The following FRMD4A variants were observed in gnomAD, a reference collection of about 807,000 sequenced individuals.
FRMD4A encodes FERM domain-containing protein 4A.
A neutral mutation model predicts 129.1 loss-of-function variants in FRMD4A; 29 were observed. The observed-to-expected ratio is 0.22, with a 90% CI of 0.17 to 0.31. FRMD4A has a LOEUF of 0.31. Ranked by LOEUF, FRMD4A falls within the 10% of genes least tolerant of loss-of-function variation. The pLI, the probability that FRMD4A is intolerant of heterozygous loss-of-function variation, is 1.00. For synonymous variants in FRMD4A, 634 were observed against 571.6 expected, an observed-to-expected ratio of 1.11 and a Z score of -1.56; for missense variants, 1,272 against 1,375.8, an observed-to-expected ratio of 0.92 and a Z score of 1.19.
At chr10:14,243,753 T>A (rs1041041836) in intron 2 of FRMD4A, among the ~76,000 whole-genome samples, 3 of 151,502 alleles carry the variant, frequency 2.0e-5, no homozygotes, top group Non-Finnish European at 4.4e-5. Flanking sequence ...CAACTATGAA[T>A]GTACATTCAC....
At chr10:14,075,641 T>C (rs1835547052) in intron 2 of FRMD4A, among the ~76,000 whole-genome samples, 1 of 152,224 alleles carries the variant, frequency 6.6e-6, no homozygotes, top group Non-Finnish European at 1.5e-5. Context: ...TTCTTAAATA[T>C]AGGCAAATAT....
At chr10:13,698,553 G>A (rs2086462094) in intron 14 of FRMD4A, among the ~76,000 whole-genome samples, 1 of 152,120 alleles carries the variant, frequency 6.6e-6, no homozygotes, top group South Asian at 2.1e-4. Context: ...TTAATTTGCG[G>A]GCCTTTTAGA....
intron 13 of FRMD4A, among the ~76,000 whole-genome samples, chr10:13,704,994 A>G (rs1434011889): frequency 6.6e-6 from 1 of 152,018 alleles, no homozygotes; most frequent in Non-Finnish European, 1.5e-5. Flanking sequence ...GAATTGCTTG[A>G]GCCTGGAAGG....
chr10:14,175,543 A>G (rs77738339), intron 2 of FRMD4A, among the ~76,000 whole-genome samples: 1 of 35,320 alleles, frequency 2.8e-5, no homozygotes, highest in African/African-American at 8.5e-5. Flanking sequence ...TTTTTTTTTT[A>G]CAGGGTGTCT....
chr10:13,651,258 C>T (rs928171166), intron 24 of FRMD4A: 2 of 152,302 alleles, frequency 1.3e-5, no homozygotes, highest in African/African-American at 4.8e-5. Context: ...GTGCTCATAG[C>T]TTTTGGTACT....
In FRMD4A at chr10:13,654,516, C is replaced by T; in HGVS notation, c.2954-4G>A. 6.3e-7 allele frequency: 1 copy of T among 1,599,058 alleles called. No individual in the cohort carries two copies. Among genetic ancestry groups the T allele is most frequent in the Non-Finnish European group, 8.6e-7 (1 of 1,166,674 alleles). On this transcript the variant is annotated splice_region_variant and splice_polypyrimidine_tract_variant and intron_variant, in intron 22 of 24. Coordinates refer to ENST00000357447, the MANE Select transcript of FRMD4A (RefSeq NM_018027.5). ...CTCTGGCTTTGAGGTAAGGCAGCTA[C>T]ATGCAGGTGGTGCAAGAAAGGCAGA...
intron 2 of FRMD4A, among the ~76,000 whole-genome samples, chr10:14,008,933 A>G (rs1478512533): frequency 6.6e-6 from 1 of 152,240 alleles, no homozygotes; most frequent in Non-Finnish European, 1.5e-5. Context: ...AACTGTTGCA[A>G]TCACATGGTT....
chr10:14,089,644 C>A (rs11258858), intron 2 of FRMD4A, among the ~76,000 whole-genome samples: 70,630 of 131,140 alleles, frequency 0.54, 19,493 homozygotes, highest in African/African-American at 0.71. Flanking sequence ...AAAAAACAAA[C>A]AAAAAAAAAA....
At chr10:14,038,144 A>G (rs1376962666) in intron 2 of FRMD4A, among the ~76,000 whole-genome samples, 1 of 152,178 alleles carries the variant, frequency 6.6e-6, no homozygotes, top group Non-Finnish European at 1.5e-5. Context: ...AACACAGTGA[A>G]ACCCCGTCTC....
chr10:14,233,456 C>G (rs569045575), intron 2 of FRMD4A, among the ~76,000 whole-genome samples: 2 of 152,310 alleles, frequency 1.3e-5, no homozygotes, highest in East Asian at 3.9e-4. Flanking sequence ...CACCTATAAT[C>G]CCAGCTACTC....
intron 2 of FRMD4A, among the ~76,000 whole-genome samples, chr10:13,926,204 T>C (rs1759240652): frequency 6.6e-6 from 1 of 152,180 alleles, no homozygotes. Flanking sequence ...AGGCTGTGTA[T>C]TGGAAAACAT....
chr10:13,906,621 T>A (rs2094884863), intron 2 of FRMD4A, among the ~76,000 whole-genome samples: 2 of 152,232 alleles, frequency 1.3e-5, no homozygotes, highest in Admixed American at 1.3e-4. Flanking sequence ...TTCTCCACTA[T>A]GTTAGATGTC....
chr10:14,147,795 A>G (rs1840151068), intron 2 of FRMD4A, among the ~76,000 whole-genome samples: 1 of 152,098 alleles, frequency 6.6e-6, no homozygotes, highest in South Asian at 2.1e-4. Flanking sequence ...GTACTGGTCC[A>G]CAGCCCAGGG....
At chr10:14,231,536 C>A (rs7075509) in intron 2 of FRMD4A, among the ~76,000 whole-genome samples, 1 of 151,880 alleles carries the variant, frequency 6.6e-6, no homozygotes, top group Non-Finnish European at 1.5e-5. Flanking sequence ...TTAGTAGAGA[C>A]GAGGTTTCAC....
chr10:13,707,797 G>A (rs975365662), intron 12 of FRMD4A: 3 of 985,244 alleles, frequency 3.0e-6, no homozygotes, highest in African/African-American at 1.7e-5. Context: ...AGGACGCTGC[G>A]GCCAGAGTCT....
chr10:14,220,916 G>A (rs1843237971), intron 2 of FRMD4A, among the ~76,000 whole-genome samples: 1 of 151,942 alleles, frequency 6.6e-6, no homozygotes, highest in Non-Finnish European at 1.5e-5. Flanking sequence ...GGACTGAAGA[G>A]CAGAACCCTA....
intron 2 of FRMD4A, among the ~76,000 whole-genome samples, chr10:14,246,938 G>A (rs776101397): frequency 3.9e-5 from 6 of 152,166 alleles, no homozygotes; most frequent in Non-Finnish European, 5.9e-5. Context: ...GTGTAGCTGC[G>A]TTGTGTGAAC....
At chr10:13,803,945 T>C (rs1325141132) in intron 4 of FRMD4A, among the ~76,000 whole-genome samples, 1 of 152,192 alleles carries the variant, frequency 6.6e-6, no homozygotes. Context: ...GTCATTTGCA[T>C]TGGGAAGGAA....
intron 2 of FRMD4A, among the ~76,000 whole-genome samples, chr10:14,212,919 C>T (rs1476974143): frequency 3.3e-5 from 5 of 152,278 alleles, no homozygotes; most frequent in Middle Eastern, 3.4e-3. Flanking sequence ...AAGTCACTTA[C>T]GGCAAACCAC....
Sources: allele counts gnomAD v4.1 joint callset (sites outside exome capture counted in the v4.1 genomes callset), GRCh38; gene constraint gnomAD v4.1.1; transcripts MANE v1.5; gene names NCBI Gene and HGNC (gene_info 2026-07-23, HGNC 2026-07-21).